Variants in SH3RF1 observed in about 807,000 individuals in gnomAD.
SH3RF1 encodes E3 ubiquitin-protein ligase SH3RF1.
Under a neutral mutation model 74.0 loss-of-function variants are expected in SH3RF1, and 32 were observed. That is an observed-to-expected ratio of 0.43 (90% CI 0.33 to 0.58). The LOEUF (loss-of-function observed/expected upper bound fraction) is 0.58, where lower values mean the gene tolerates loss of function less well. Among genes scored for constraint, SH3RF1 ranks in the 20% least tolerant of loss-of-function variants. The pLI is 0.05. For missense variants in SH3RF1, 954 were observed against 1,130.9 expected (o/e 0.84, Z 2.24); for synonymous variants, 396 against 439.6 (o/e 0.90, Z 1.24).
At chr4:169,174,210 T>TA (rs1734379638) in intron 2 of SH3RF1, among the ~76,000 whole-genome samples, 1 of 152,128 alleles carries the variant, frequency 6.6e-6, no homozygotes, top group Non-Finnish European at 1.5e-5. Context: ...TACAGGCACG[T>TA]ACCAGCATAC....
intron 6 of SH3RF1, among the ~76,000 whole-genome samples, chr4:169,124,703 T>C (rs1006114839): frequency 2.0e-5 from 3 of 152,290 alleles, no homozygotes; most frequent in African/African-American, 7.2e-5. Context: ...CCCTGTGGGG[T>C]TGGTGAAATG....
chr4:169,176,519 A>T (rs1734424100), intron 2 of SH3RF1, among the ~76,000 whole-genome samples: 1 of 152,172 alleles, frequency 6.6e-6, no homozygotes, highest in Non-Finnish European at 1.5e-5. Context: ...ATATTTACTA[A>T]GATGAACATA....
At chr4:169,136,243 A>C (rs1431056769) in intron 5 of SH3RF1, 75 bp downstream of exon 5, 1 of 1,301,706 alleles carries the variant, frequency 7.7e-7, no homozygotes, top group Non-Finnish European at 1.0e-6. Context: ...TTTGTCAGCC[A>C]GTGAGCAAAC....
chr4:169,114,224 G>C (rs1297747659), intron 10 of SH3RF1, among the ~76,000 whole-genome samples: 1 of 152,180 alleles, frequency 6.6e-6, no homozygotes, highest in Non-Finnish European at 1.5e-5. Flanking sequence ...GGAAGAATCT[G>C]TTCCCTTGTC....
chr4:169,266,606 A>T (rs55848296), intron 2 of SH3RF1, among the ~76,000 whole-genome samples: 1 of 142,250 alleles, frequency 7.0e-6, no homozygotes, highest in African/African-American at 2.5e-5. Context: ...GCTTTTTTTT[A>T]AAAAAGGGGG....
chr4:169,160,864 G>T (rs1051219150), intron 2 of SH3RF1, among the ~76,000 whole-genome samples: 1 of 152,198 alleles, frequency 6.6e-6, no homozygotes, highest in African/African-American at 2.4e-5. Flanking sequence ...ACATCTGAAA[G>T]ATAAAGCCAA....
intron 4 of SH3RF1, among the ~76,000 whole-genome samples, chr4:169,138,617 A>G (rs531497117): frequency 1.3e-5 from 2 of 152,180 alleles, no homozygotes; most frequent in East Asian, 1.9e-4. Context: ...AAAAAATATG[A>G]ATAGAGGAAA....
At chr4:169,156,818 A>T in intron 2 of SH3RF1, 139 bp from the exon 3 acceptor site, 1 of 747,290 alleles carries the variant, frequency 1.3e-6, no homozygotes, top group Non-Finnish European at 2.1e-6. Flanking sequence ...ACACAAAAAC[A>T]ATATATATGT....
chr4:169,228,154 C>T (rs1441514442), intron 2 of SH3RF1, among the ~76,000 whole-genome samples: 16 of 152,174 alleles, frequency 1.1e-4, no homozygotes, highest in Non-Finnish European at 1.5e-5. Context: ...TGTATACCTT[C>T]TGCAAGAATT....
rs572446471 is a variant in SH3RF1 at position 169,177,447 on chromosome 4, CA to C, written c.394-20769del. Among the ~76,000 whole-genome samples, 108 of 152,174 alleles carry C rather than the reference CA, an allele frequency of 7.1e-4. 1 individual carries two copies. Among genetic ancestry groups the C allele is most frequent in the African/African-American group, 2.5e-3 (105 of 41,520 alleles). ...AGGCCAATACTTGCAAGAACAGAAACAAAGAGCTATTATAAAAGTAAGCATT... is the reference window on the plus strand; with the variant it reads ...AGGCCAATACTTGCAAGAACAGAAACAAGAGCTATTATAAAAGTAAGCATT... On this transcript the variant is annotated intron_variant, in intron 2 of 11. Transcript: ENST00000284637.
chr4:169,162,909 C>T (rs533688766), intron 2 of SH3RF1, among the ~76,000 whole-genome samples: 4 of 152,248 alleles, frequency 2.6e-5, no homozygotes, highest in African/African-American at 9.6e-5. Context: ...CTGTCTGCTG[C>T]CCTGCTCACG....
intron 11 of SH3RF1, among the ~76,000 whole-genome samples, chr4:169,100,037 T>C (rs1183177948): frequency 6.6e-6 from 1 of 152,226 alleles, no homozygotes; most frequent in Non-Finnish European, 1.5e-5. Context: ...TGGGCATAAC[T>C]GGCCAACTAT....
chr4:169,245,297 A>G (rs2110738806), intron 2 of SH3RF1, among the ~76,000 whole-genome samples: 1 of 152,324 alleles, frequency 6.6e-6, no homozygotes, highest in South Asian at 2.1e-4. Context: ...TCCTCTTCTG[A>G]GCAAACCTAC....
intron 2 of SH3RF1, among the ~76,000 whole-genome samples, chr4:169,218,127 G>A (rs1402699201): frequency 2.7e-5 from 4 of 147,406 alleles, no homozygotes; most frequent in African/African-American, 1.0e-4. Flanking sequence ...ATGCAAGTGT[G>A]TAATATATAT....
chr4:169,119,649 A>T lies in SH3RF1; in HGVS notation c.1517+1170T>A, dbSNP rs183908675. 1.1e-3 allele frequency among the ~76,000 whole-genome samples: 174 copies of T among 152,302 alleles called. 1 individual carries two copies. The highest frequency in any genetic ancestry group is 4.1e-3 in the African/African-American group (170 of 41,552). ...TTAACATACATAGAAAAGAATGTTT[A>T]TATTGATTAAAAATTTGCAAGTCAA... On this transcript the variant is annotated intron_variant, in intron 8 of 11. Transcript: ENST00000284637.
At chr4:169,236,332 A>C (rs1730823293) in intron 2 of SH3RF1, among the ~76,000 whole-genome samples, 1 of 152,206 alleles carries the variant, frequency 6.6e-6, no homozygotes, top group Non-Finnish European at 1.5e-5. Flanking sequence ...ATGTGCTGAG[A>C]TGGAGCCTTT....
At chr4:169,097,093 C>T (rs748216220) in intron 11 of SH3RF1, among the ~76,000 whole-genome samples, 27 of 152,152 alleles carry the variant, frequency 1.8e-4, no homozygotes, top group Non-Finnish European at 3.7e-4. Flanking sequence ...AGTAGCTGAG[C>T]AGGGGGGGTT....
intron 5 of SH3RF1, among the ~76,000 whole-genome samples, chr4:169,131,627 G>GA (rs568807830): frequency 1.0e-3 from 159 of 152,326 alleles, no homozygotes; most frequent in Non-Finnish European, 2.0e-3. Context: ...GAACTAAACT[G>GA]AAAAGAAAAC....
At chr4:169,108,501 G>T (rs1360284187) in intron 10 of SH3RF1, among the ~76,000 whole-genome samples, 1 of 152,202 alleles carries the variant, frequency 6.6e-6, no homozygotes, top group Non-Finnish European at 1.5e-5. Flanking sequence ...CGCTGCTCAA[G>T]GACATGTGAA....
Sources: gnomAD v4.1 joint callset for allele counts (sites outside exome capture counted in the v4.1 genomes callset) on GRCh38, gnomAD v4.1.1 for gene constraint, MANE v1.5 for transcripts, NCBI Gene and HGNC (gene_info 2026-07-23, HGNC 2026-07-21) for gene names.